The following KIRREL3 variants were observed in gnomAD, a reference collection of about 807,000 sequenced individuals.
KIRREL3 encodes the protein kirre like nephrin family adhesion molecule 3, also known as kin of IRRE-like protein 3.
A neutral mutation model predicts 89.7 loss-of-function variants in KIRREL3; 36 were observed. That is an observed-to-expected ratio of 0.40 (90% CI 0.31 to 0.53). The LOEUF (loss-of-function observed/expected upper bound fraction) is 0.53. Ranked by LOEUF, KIRREL3 falls within the 20% of genes least tolerant of loss-of-function variation. The probability of loss-of-function intolerance (pLI) is 0.49; values close to 1 mark genes in which losing one functional copy is unlikely to be tolerated. For missense variants in KIRREL3, 864 were observed against 1,056.6 expected, an observed-to-expected ratio of 0.82 and a Z score of 2.53; for synonymous variants, 445 against 441.4, an observed-to-expected ratio of 1.01 and a Z score of -0.10.
rs918015626 is a variant in KIRREL3, at chr11:126,564,257, C to A, written c.56-1345G>T. On this transcript the variant is annotated intron_variant, in intron 1 of 16. Coordinates refer to ENST00000525144, the MANE Select transcript of KIRREL3 (RefSeq NM_032531.4). The surrounding 1 kb of genome is among the most constrained non-coding windows in gnomAD (Gnocchi z 7.4). ...TCTAGGCTCAAGAGGATAGACGGAG[C>A]GGGTCATTCCTCTTTCTCCTCTTCC... 6.6e-6 allele frequency among the ~76,000 whole-genome samples: 1 copy of A among 152,178 alleles called. No individual in the cohort carries two copies. The highest frequency in any genetic ancestry group is 2.4e-5 in the African/African-American group (1 of 41,452).
At position 126,883,874 on chromosome 11, in the gene KIRREL3, G is replaced by A. The variant is rs553779509; in HGVS notation, c.55+116581C>T. Among the ~76,000 whole-genome samples, 1 of 152,286 alleles carries A rather than the reference G, an allele frequency of 6.6e-6. No individual in the cohort carries two copies. Among genetic ancestry groups the A allele is most frequent in the East Asian group, 1.9e-4 (1 of 5,176 alleles). On this transcript the variant is annotated intron_variant, in intron 1 of 16. Coordinates refer to ENST00000525144, the MANE Select transcript of KIRREL3 (RefSeq NM_032531.4). This position sits in a 1 kb window ranked among gnomAD's most constrained non-coding sequence, Gnocchi z 4.1. ...CCAGAATCAAAATTGGAATGGAGAGGTGGAGACATAGGTTTTGAATCGATA... is the reference window on the plus strand; with the variant it reads ...CCAGAATCAAAATTGGAATGGAGAGATGGAGACATAGGTTTTGAATCGATA...
rs149523302 is a variant in KIRREL3, at chr11:126,546,096, A to G, written c.133+16739T>C. 2.8e-3 allele frequency among the ~76,000 whole-genome samples: 425 copies of G among 152,366 alleles called. 5 individuals carry two copies. The highest frequency in any genetic ancestry group is 9.5e-3 in the African/African-American group (395 of 41,582). On this transcript the variant is annotated intron_variant, in intron 2 of 16. Coordinates refer to ENST00000525144, the MANE Select transcript of KIRREL3 (RefSeq NM_032531.4). ...AAGTAATGACTGTGGTGTTTGGCAC[A>G]CAGGATATATGATAAATAAGGGGCT...
intron 4 of KIRREL3, among the ~76,000 whole-genome samples, chr11:126,503,593 T>C (rs552887644): frequency 2.0e-5 from 3 of 152,312 alleles, no homozygotes; most frequent in Admixed American, 6.5e-5. Flanking sequence ...GGTGGTTTGC[T>C]GTGGACTGAA....
At position 126,569,309 on chromosome 11, in the gene KIRREL3, C is replaced by A. The variant is rs1001721733; in HGVS notation, c.56-6397G>T. Among the ~76,000 whole-genome samples, 1 of 152,242 alleles carries A rather than the reference C, an allele frequency of 6.6e-6. No homozygotes were observed. Among genetic ancestry groups the A allele is most frequent in the East Asian group, 1.9e-4 (1 of 5,184 alleles). On this transcript the variant is annotated intron_variant, in intron 1 of 16. Transcript: ENST00000525144. The surrounding 1 kb of genome is among the most constrained non-coding windows in gnomAD (Gnocchi z 6.5). Reference sequence around the variant, plus strand: ...TGATCATGTGAGAAGGAGTTCTAGGCTGAAGAAATATTTTTAACCAGTTGC... The same window carrying A: ...TGATCATGTGAGAAGGAGTTCTAGGATGAAGAAATATTTTTAACCAGTTGC...
rs1215606566 is a variant in KIRREL3, at chr11:126,782,692, C to T, written c.55+217763G>A. On this transcript the variant is annotated intron_variant, in intron 1 of 16. Coordinates refer to ENST00000525144, the MANE Select transcript of KIRREL3 (RefSeq NM_032531.4). This position sits in a 1 kb window ranked among gnomAD's most constrained non-coding sequence, Gnocchi z 4.1. ...GGAGGGGGCTAGAATGATCCAGATC[C>T]ACGTGGTAATGAATTAGTGTTGGAG... Among the ~76,000 whole-genome samples the T allele has an allele frequency of 1.3e-5, 2 of 152,122 alleles. No homozygotes were observed. Among genetic ancestry groups the T allele is most frequent in the East Asian group, 3.9e-4 (2 of 5,194 alleles).
chr11:126,614,389 T>TTC lies in KIRREL3; in HGVS notation c.56-51479_56-51478dup, dbSNP rs1184661531. On this transcript the variant is annotated intron_variant, in intron 1 of 16. Coordinates refer to ENST00000525144, the MANE Select transcript of KIRREL3 (RefSeq NM_032531.4). The surrounding 1 kb of genome is among the most constrained non-coding windows in gnomAD (Gnocchi z 4.6). Reference sequence around the variant, plus strand: ...ACTCACTTCCATTCTTTGCGCTGTTTTCTCAAGTGCAAAAGGAAAGGTTGA... The same window carrying TTC: ...ACTCACTTCCATTCTTTGCGCTGTTTTCTCTCAAGTGCAAAAGGAAAGGTTGA... 2.0e-5 allele frequency among the ~76,000 whole-genome samples: 3 copies of TTC among 152,190 alleles called. No homozygotes were observed. Among genetic ancestry groups the TTC allele is most frequent in the Non-Finnish European group, 4.4e-5 (3 of 68,032 alleles).
At chr11:126,548,664 C>T (rs545051140) in intron 2 of KIRREL3, among the ~76,000 whole-genome samples, 3 of 152,360 alleles carry the variant, frequency 2.0e-5, no homozygotes, top group African/African-American at 7.2e-5. Context: ...CACTAGCGCT[C>T]TTGCTTAGGG....
intron 1 of KIRREL3, among the ~76,000 whole-genome samples, chr11:126,801,780 A>G (rs774754680): frequency 6.6e-6 from 1 of 152,178 alleles, no homozygotes; most frequent in Non-Finnish European, 1.5e-5. Context: ...TTTGTTTGAA[A>G]TACAAAGTCA....
rs540137671 is a variant in KIRREL3, at chr11:126,761,944, C to G, written c.56-199032G>C. Among the ~76,000 whole-genome samples, 2 of 151,998 alleles carry G rather than the reference C, an allele frequency of 1.3e-5. No homozygotes were observed. Among genetic ancestry groups the G allele is most frequent in the Non-Finnish European group, 2.9e-5 (2 of 68,014 alleles). On this transcript the variant is annotated intron_variant, in intron 1 of 16. Transcript: ENST00000525144. The surrounding 1 kb of genome is among the most constrained non-coding windows in gnomAD (Gnocchi z 4.4). ...CTGTAATCCCAACACTTTGGGAGGC[C>G]GAGGGGGGCAGATCACCTGAGGTCA...
At chr11:126,577,903 C>T (rs1383420705) in intron 1 of KIRREL3, among the ~76,000 whole-genome samples, 1 of 152,178 alleles carries the variant, frequency 6.6e-6, no homozygotes, top group Non-Finnish European at 1.5e-5. Flanking sequence ...TGAGGTTAAT[C>T]AGTGCCATTC....
In KIRREL3 at chr11:126,752,062, T is replaced by C. The variant is rs1949352799; in HGVS notation, c.56-189150A>G. On this transcript the variant is annotated intron_variant, in intron 1 of 16. Transcript: ENST00000525144. The surrounding 1 kb of genome is among the most constrained non-coding windows in gnomAD (Gnocchi z 4.8). ...TTCAAATTCCAGCTCTGCCTTGGTG[T>C]GTGACTTCAACTGAGTTGCTTCATC... Among the ~76,000 whole-genome samples, 2 of 152,198 alleles carry C rather than the reference T, an allele frequency of 1.3e-5. No individual in the cohort carries two copies. Among genetic ancestry groups the C allele is most frequent in the African/African-American group, 4.8e-5 (2 of 41,450 alleles).
At chr11:126,765,780 G>A (rs1949805566) in intron 1 of KIRREL3, among the ~76,000 whole-genome samples, 1 of 152,148 alleles carries the variant, frequency 6.6e-6, no homozygotes, top group Non-Finnish European at 1.5e-5. Flanking sequence ...AATTGTTCCT[G>A]GCTCCTGCAG....
intron 1 of KIRREL3, among the ~76,000 whole-genome samples, chr11:126,858,292 C>T (rs909605783): frequency 6.6e-6 from 1 of 152,160 alleles, no homozygotes; most frequent in African/African-American, 2.4e-5. Flanking sequence ...TTTGATGAAG[C>T]AATAGGACTT....
At position 126,454,053 on chromosome 11, in the gene KIRREL3, A is replaced by T. The variant is rs1426781190; in HGVS notation, c.848+2296T>A. Among the ~76,000 whole-genome samples, 1 of 151,840 alleles carries T rather than the reference A, an allele frequency of 6.6e-6. No individual in the cohort carries two copies. Among genetic ancestry groups the T allele is most frequent in the Non-Finnish European group, 1.5e-5 (1 of 67,982 alleles). ...CAAAAAACAAACTTCGGAATTACAG[A>T]AAAGTTGTAAGAATAGTCCCATTAA... On this transcript the variant is annotated intron_variant, in intron 7 of 16. Coordinates refer to ENST00000525144, the MANE Select transcript of KIRREL3 (RefSeq NM_032531.4). This position sits in a 1 kb window ranked among gnomAD's most constrained non-coding sequence, Gnocchi z 5.8.
rs570635026 is a variant in KIRREL3 at position 126,505,825 on chromosome 11, A to C, written c.433+15490T>G. On this transcript the variant is annotated intron_variant, in intron 4 of 16. Coordinates refer to ENST00000525144, the MANE Select transcript of KIRREL3 (RefSeq NM_032531.4). ...TGAAGACGTAAAAAAATAAAGAGGC[A>C]TTCCATGTTCATGGATGGGAATACT... Among the ~76,000 whole-genome samples, 3 of 152,352 alleles carry C rather than the reference A, an allele frequency of 2.0e-5. No individual in the cohort carries two copies. In the East Asian group the frequency reaches 5.8e-4, roughly 29 times the overall value.
At chr11:126,552,284 A>G (rs1239084119) in intron 2 of KIRREL3, among the ~76,000 whole-genome samples, 2 of 152,220 alleles carry the variant, frequency 1.3e-5, no homozygotes, top group Admixed American at 1.3e-4. Flanking sequence ...CCCTCAGTCC[A>G]TTACCATTCA....
rs1028527976 is a variant in KIRREL3, at chr11:126,830,914, G to A, written c.55+169541C>T. On this transcript the variant is annotated intron_variant, in intron 1 of 16. Coordinates refer to ENST00000525144, the MANE Select transcript of KIRREL3 (RefSeq NM_032531.4). The surrounding 1 kb of genome is among the most constrained non-coding windows in gnomAD (Gnocchi z 4.9). ...ATGTTGCTTTATGGGCAAGGGGTAC[G>A]GCCACATATGCCTTCATTGATGTGA... Among the ~76,000 whole-genome samples, 4 of 152,180 alleles carry A rather than the reference G, an allele frequency of 2.6e-5. No individual in the cohort carries two copies. Among genetic ancestry groups the A allele is most frequent in the Admixed American group, 2.0e-4 (3 of 15,296 alleles).
At chr11:126,759,196 C>G (rs1949596350) in intron 1 of KIRREL3, among the ~76,000 whole-genome samples, 1 of 152,228 alleles carries the variant, frequency 6.6e-6, no homozygotes, top group African/African-American at 2.4e-5. Flanking sequence ...ATGGTGCGAT[C>G]TCGGCTTGCT....
At chr11:126,540,066 T>C (rs895127650) in intron 2 of KIRREL3, among the ~76,000 whole-genome samples, 1 of 152,184 alleles carries the variant, frequency 6.6e-6, no homozygotes, top group Admixed American at 6.5e-5. Context: ...CCCTTTAGAC[T>C]GGGATTGGAA....
Sources: allele counts gnomAD v4.1 joint callset (sites outside exome capture counted in the v4.1 genomes callset), GRCh38; gene constraint gnomAD v4.1.1; non-coding constraint Gnocchi (gnomAD v3.1); transcripts MANE v1.5; gene names NCBI Gene and HGNC (gene_info 2026-07-23, HGNC 2026-07-21).